PODXL: variants seen among roughly 807,000 people sequenced by gnomAD.
The protein encoded by PODXL is podocalyxin like.
In PODXL, 20 loss-of-function variants were observed where a neutral mutation model predicts 48.9. That is an observed-to-expected ratio of 0.41 (90% CI 0.29 to 0.59). PODXL has a LOEUF of 0.59. Among genes scored for constraint, PODXL ranks in the 20% least tolerant of loss-of-function variants. The pLI, the probability that PODXL is intolerant of heterozygous loss-of-function variation, is 0.31. For synonymous variants in PODXL, 295 were observed against 287.4 expected (o/e 1.03, Z -0.27); for missense variants, 606 against 675.1 (o/e 0.90, Z 1.13).
chr7:131,547,734 A>C (rs1798604954), intron 1 of PODXL, among the ~76,000 whole-genome samples: 1 of 152,152 alleles, frequency 6.6e-6, no homozygotes, highest in African/African-American at 2.4e-5. Flanking sequence ...ACTCCCCCCA[A>C]ATCGGCCTCC....
chr7:131,508,332 T>C (rs909452360), intron 5 of PODXL, among the ~76,000 whole-genome samples: 5 of 152,180 alleles, frequency 3.3e-5, no homozygotes, highest in Non-Finnish European at 5.9e-5. Context: ...GCACTGTTCG[T>C]CCATCAAGGC....
chr7:131,549,259 T>C (rs1451807084), intron 1 of PODXL, among the ~76,000 whole-genome samples: 4 of 152,082 alleles, frequency 2.6e-5, no homozygotes, highest in Admixed American at 2.0e-4. Flanking sequence ...CACGTACATA[T>C]TGGGAGAAGA....
At chr7:131,518,205 CGGGGGGAA>C in intron 1 of PODXL, among the ~76,000 whole-genome samples, 1 of 152,164 alleles carries the variant, frequency 6.6e-6, no homozygotes, top group East Asian at 1.9e-4. Flanking sequence ...TGTCTTTTTG[CGGGGGGAA>C]TGCCATTCGC....
Position 131,500,413 on chromosome 7 carries a change from C to CA in PODXL, c.*3897dup, listed in dbSNP as rs1324123720. 6.5e-6 allele frequency: 1 copy of CA among 152,756 alleles called. No individual in the cohort carries two copies. Among genetic ancestry groups the CA allele is most frequent in the Non-Finnish European group, 1.5e-5 (1 of 68,032 alleles). The allele number at this position is 152,756 out of a possible 1,614,324, so 9.5% of individuals were successfully genotyped here. On this transcript the variant is annotated 3_prime_UTR_variant, in exon 9 of 9. Coordinates refer to ENST00000378555, the MANE Select transcript of PODXL (RefSeq NM_001018111.3). ...TACTTCAGACCCCTGTCCACTAAGA[C>CA]ATATATGATCCCCCAGTTCCTGGGC...
intron 5 of PODXL, chr7:131,507,071 C>G (rs140470139): frequency 3.1e-5 from 8 of 260,472 alleles, no homozygotes. Context: ...CTCCCTAGAA[C>G]GGGCTAGAGA....
At chr7:131,553,069 G>A (rs1798692020) in intron 1 of PODXL, among the ~76,000 whole-genome samples, 1 of 152,054 alleles carries the variant, frequency 6.6e-6, no homozygotes, top group African/African-American at 2.4e-5. Context: ...TTCCAGGCGT[G>A]AGCAGCCACA....
intron 1 of PODXL, among the ~76,000 whole-genome samples, 161 bp from the exon 2 acceptor site, chr7:131,511,594 G>A (rs1331245149): frequency 1.3e-5 from 2 of 152,134 alleles, no homozygotes; most frequent in African/African-American, 4.8e-5. Context: ...GGAGGTTCAA[G>A]AAACCTCTTT....
intron 1 of PODXL, among the ~76,000 whole-genome samples, chr7:131,532,331 G>A (rs1168708008): frequency 6.6e-6 from 1 of 150,596 alleles, no homozygotes; most frequent in East Asian, 2.0e-4. Flanking sequence ...AGCTACTCGG[G>A]AGGCTGAGGC....
Position 131,556,329 on chromosome 7 carries a change from G to A in PODXL, c.31C>T (p.Leu11=), listed in dbSNP as rs1174555698. The change falls in exon 1 of 9, where the codon CTG becomes TTG. Residue 11 remains leucine (L), a synonymous_variant. Coordinates refer to ENST00000378555, the MANE Select transcript of PODXL (RefSeq NM_001018111.3). MRCALALSAL[L]LLLSTPPLLP... Reference sequence around the variant, plus strand: ...AGCGGCGGCGTTGACAACAGTAGCAGCAGCGCCGAGAGCGCCAGCGCGCAG... The same window carrying A: ...AGCGGCGGCGTTGACAACAGTAGCAACAGCGCCGAGAGCGCCAGCGCGCAG... 6.8e-7 allele frequency: 1 copy of A among 1,479,162 alleles called. No individual in the cohort carries two copies. Among genetic ancestry groups the A allele is most frequent in the Admixed American group, 2.4e-5 (1 of 42,228 alleles). 91.6% of individuals were successfully genotyped at this position (1,479,162 alleles called of 1,614,324 possible).
chr7:131,524,379 C>CAGAGAGCGAGAGAG (rs1798143619), intron 1 of PODXL, among the ~76,000 whole-genome samples: 1 of 104,052 alleles, frequency 9.6e-6, no homozygotes, highest in African/African-American at 2.8e-5. Context: ...CACACACACA[C>CAGAGAGCGAGAGAG]AGAGAGAGAG....
intron 8 of PODXL, among the ~76,000 whole-genome samples, chr7:131,505,621 AAAT>A (rs920541826): frequency 5.9e-5 from 9 of 152,292 alleles, no homozygotes; most frequent in South Asian, 2.1e-4. Flanking sequence ...TGTCTGAAAA[AAAT>A]AATAATAATA....
At chr7:131,525,505 G>A (rs1798169321) in intron 1 of PODXL, among the ~76,000 whole-genome samples, 1 of 150,294 alleles carries the variant, frequency 6.7e-6, no homozygotes, top group Admixed American at 6.7e-5. Context: ...AGCTACTCGG[G>A]AGGCAGGACC....
intron 1 of PODXL, among the ~76,000 whole-genome samples, chr7:131,531,490 T>C (rs1407149566): frequency 6.6e-6 from 1 of 152,158 alleles, no homozygotes; most frequent in Admixed American, 6.5e-5. Flanking sequence ...AGGTGAACCT[T>C]GGCCCATCTC....
chr7:131,508,075 AC>A (rs1483301905), intron 5 of PODXL, among the ~76,000 whole-genome samples: 1 of 152,014 alleles, frequency 6.6e-6, no homozygotes, highest in African/African-American at 2.4e-5. Context: ...CATCTCCAGC[AC>A]CCGCCGCGCT....
At chr7:131,551,325 T>G (rs1046617329) in intron 1 of PODXL, among the ~76,000 whole-genome samples, 4 of 152,190 alleles carry the variant, frequency 2.6e-5, no homozygotes, top group Admixed American at 2.0e-4. Context: ...CTCCCTGCCC[T>G]GCTTCATGGC....
chr7:131,510,688 T>G (rs1584810277), intron 2 of PODXL, 140 bp downstream of exon 2: 1 of 900,380 alleles, frequency 1.1e-6, no homozygotes, highest in Non-Finnish European at 1.7e-6. Context: ...GCCAGGCTGG[T>G]CTCGAACTCC....
At position 131,506,291 on chromosome 7, in the gene PODXL, C is replaced by A; in HGVS notation, c.1280G>T (p.Arg427Leu). The part of the protein sequence containing the change: ...TKLPAKDVYE[R>L]LKDKWDELKE... ...TAGTTCATCCCATTTGTCCTTCAGCCGCTCGTACACATCCTTGGCAGGGAG... is the reference window on the plus strand; with the variant it reads ...TAGTTCATCCCATTTGTCCTTCAGCAGCTCGTACACATCCTTGGCAGGGAG... Residue 427 changes from arginine (R) to leucine (L), a missense_variant, in exon 7 of 9, where the codon CGG becomes CTG. By Grantham distance (102) the Arg-to-Leu change is moderately radical (BLOSUM62 -2). Transcript: ENST00000378555. 6.2e-7 allele frequency: 1 copy of A among 1,614,202 alleles called. No homozygotes were observed. The highest frequency in any genetic ancestry group is 1.1e-5 in the South Asian group (1 of 91,084).
At chr7:131,512,973 C>T (rs906671983) in intron 1 of PODXL, among the ~76,000 whole-genome samples, 57 of 128,938 alleles carry the variant, frequency 4.4e-4, no homozygotes, top group Admixed American at 3.6e-3. Flanking sequence ...TCAGCCTGGG[C>T]GACTGAGCAA....
intron 1 of PODXL, among the ~76,000 whole-genome samples, chr7:131,553,866 A>G (rs1584837614): frequency 6.6e-6 from 1 of 152,148 alleles, no homozygotes; most frequent in Non-Finnish European, 1.5e-5. Context: ...AGGCACGGAG[A>G]TGTGACTTAC....
Sources: allele counts gnomAD v4.1 joint callset (sites outside exome capture counted in the v4.1 genomes callset), GRCh38; gene constraint gnomAD v4.1.1; transcripts MANE v1.5; gene names NCBI Gene and HGNC (gene_info 2026-07-23, HGNC 2026-07-21).